Variants in PLEC observed in about 807,000 individuals in gnomAD.
PLEC encodes the protein hemidesmosomal protein 1.
PLEC carries 216 observed loss-of-function variants against 392.8 expected under a neutral mutation model. The ratio of observed to expected loss-of-function variants is 0.55; its 90% CI spans 0.49 to 0.62. The LOEUF (loss-of-function observed/expected upper bound fraction) is 0.62, where lower values mean the gene tolerates loss of function less well. PLEC is among the 20% of genes least tolerant of loss of function. The pLI, the probability that PLEC is intolerant of heterozygous loss-of-function variation, is 0.00. For synonymous variants in PLEC, 3,621 were observed against 2,980.6 expected (o/e 1.21, Z -7.00); for missense variants, 6,863 against 6,563.4 (o/e 1.05, Z -1.58).
At chr8:143,951,838 G>A (rs1832178083), upstream of PLEC, among the ~76,000 whole-genome samples, 1 of 152,056 alleles carries the variant, frequency 6.6e-6, no homozygotes. Context: ...AGGCCCTGCA[G>A]GCCTGGCCCA....
At chr8:143,930,970 C>T (rs1827076580) in intron 19 of PLEC, among the ~76,000 whole-genome samples, 1 of 152,292 alleles carries the variant, frequency 6.6e-6, no homozygotes, top group East Asian at 1.9e-4. Flanking sequence ...AGTCTCCAGT[C>T]CCTCTTCCCT....
At position 143,926,979 on chromosome 8, in the gene PLEC, C is replaced by T. The variant is rs782504857; in HGVS notation, c.3943G>A (p.Glu1315Lys). Residue 1315 changes from glutamate (E) to lysine (K), a missense_variant and splice_region_variant, in exon 29 of 32, where the codon GAG becomes AAG. Transcript: ENST00000345136. Reference protein sequence around the residue: ...VQSGSESVIQEYVDLRTHYSE... With the variant: ...VQSGSESVIQKYVDLRTHYSE... ...AGTTAGGTTCGGCCCCACCCTACCTCCTGGATGACACTCTCTGATCCCGAC... is the reference window on the plus strand; with the variant it reads ...AGTTAGGTTCGGCCCCACCCTACCTTCTGGATGACACTCTCTGATCCCGAC... The T allele has an allele frequency of 6.8e-6, 11 of 1,612,704 alleles. No individual in the cohort carries two copies. The East Asian group carries it at 2.2e-4, about 33-fold the overall frequency.
upstream of PLEC, chr8:143,943,977 G>T: frequency 6.5e-7 from 1 of 1,544,182 alleles, no homozygotes; most frequent in Non-Finnish European, 8.7e-7. Context: ...TGCGTGCAGG[G>T]CGAGCGAGGG....
Position 143,923,979 on chromosome 8 carries a change from G to C in PLEC, c.5950C>G (p.Arg1984Gly). The C allele has an allele frequency of 6.3e-7, 1 of 1,583,598 alleles. No individual in the cohort carries two copies. Among genetic ancestry groups the C allele is most frequent in the Non-Finnish European group, 8.5e-7 (1 of 1,171,166 alleles). Residue 1984 changes from arginine (R) to glycine (G), a missense_variant, in exon 31 of 32, where the codon CGT (arginine) becomes GGT (glycine). Transcript: ENST00000345136. ...QLAAEEERRRREAEERVQKSL... is the reference protein window; with the variant it reads ...QLAAEEERRRGEAEERVQKSL... ...TTCTGCACGCGCTCCTCAGCCTCAC[G>C]GCGCCGCCGCTCCTCCTCCGCCGCC...
Position 143,920,765 on chromosome 8 carries a change from G to C in PLEC, c.9056C>G (p.Ala3019Gly), listed in dbSNP as rs782474081. ...DVAEVDTVRR[A>G]LRGANVIAGV... is the part of the protein sequence containing the mutation. Reference sequence around the variant, plus strand: ...CGCGATGACGTTGGCACCCCGGAGAGCCCGCCGCACAGTGTCCACCTCGGC... The same window carrying C: ...CGCGATGACGTTGGCACCCCGGAGACCCCGCCGCACAGTGTCCACCTCGGC... The change falls in exon 32 of 32, where the codon GCT becomes GGT. Residue 3019 changes from alanine (A) to glycine (G), a missense_variant. Transcript: ENST00000345136. 1 of 1,606,104 alleles carries C rather than the reference G, an allele frequency of 6.2e-7. No individual in the cohort carries two copies. The highest frequency in any genetic ancestry group is 1.7e-5 in the Admixed American group (1 of 60,022).
In PLEC at chr8:143,925,779, C is replaced by T. The variant is rs782681160; in HGVS notation, c.4150G>A (p.Ala1384Thr). Residue 1384 changes from alanine to threonine, a missense_variant, in exon 31 of 32, where the codon GCA (alanine) becomes ACA (threonine). By Grantham distance (58) the Ala-to-Thr change is moderately conservative. Coordinates refer to ENST00000345136, the MANE Select transcript of PLEC (RefSeq NM_201384.3). ...QLAEAHAQAK[A>T]QAEREAKELQ... ...TCCTTCGCCTCCCGCTCCGCCTGTG[C>T]CTTTGCCTGGGCGTGCGCCTCGGCC... 4 of 1,588,296 alleles carry T rather than the reference C, an allele frequency of 2.5e-6. No individual in the cohort carries two copies. In the Admixed American group the frequency reaches 5.1e-5, roughly 20 times the overall value.
At chr8:143,960,326 TAAAAA>T (rs1832812893) in intron 1 of PLEC, among the ~76,000 whole-genome samples, 1 of 149,172 alleles carries the variant, frequency 6.7e-6, no homozygotes, top group Admixed American at 6.7e-5. Context: ...TAAAATAAAA[TAAAAA>T]CTTAGGCCAA....
At chr8:143,944,595 G>A, upstream of PLEC, 1 of 1,143,536 alleles carries the variant, frequency 8.7e-7, no homozygotes, top group East Asian at 3.0e-5. Flanking sequence ...TCTGGCCCCT[G>A]TCCCCAGCAA....
chr8:143,934,283 G>T (rs781971699), intron 11 of PLEC, 35 bp downstream of exon 11: 2 of 1,609,646 alleles, frequency 1.2e-6, no homozygotes, highest in South Asian at 1.1e-5. Flanking sequence ...ACACACCCTC[G>T]GGTGGTTCCC....
chr8:143,938,096 G>T, intron 3 of PLEC, 55 bp downstream of exon 3: 1 of 1,302,936 alleles, frequency 7.7e-7, no homozygotes, highest in Non-Finnish European at 1.1e-6. Flanking sequence ...GGGAAGGCAG[G>T]CAGAGGTCTC....
rs369363676 is a variant in PLEC, at chr8:143,934,822, G to T, written c.933C>A (p.Phe311Leu). The change falls in exon 9 of 32, where the codon TTC (phenylalanine) becomes TTA (leucine). Residue 311 changes from phenylalanine to leucine, a missense_variant. By Grantham distance (22) the Phe-to-Leu change is conservative (BLOSUM62 0). Transcript: ENST00000345136. ...AFEERRFPSS[F>L]EEIEILWSQF... ...ACGGCAGGCCCACCTCAATCTCCTC[G>T]AAGCTGGAGGGGAACCTGCGTTCCT... is the stretch of plus-strand genomic sequence containing the variant. 1 of 1,611,616 alleles carries T rather than the reference G, an allele frequency of 6.2e-7. No individual in the cohort carries two copies.
intron 1 of PLEC, among the ~76,000 whole-genome samples, chr8:143,946,853 C>T (rs1831551677): frequency 1.3e-5 from 2 of 151,594 alleles, no homozygotes; most frequent in Admixed American, 1.3e-4. Context: ...CACCCCACTC[C>T]TTGAGACTCA....
At chr8:143,948,900 G>C (rs535806180) in intron 1 of PLEC, among the ~76,000 whole-genome samples, 3 of 152,230 alleles carry the variant, frequency 2.0e-5, no homozygotes, top group Non-Finnish European at 4.4e-5. Flanking sequence ...AAGGCCACAT[G>C]GGCCGGGGCC....
In PLEC at chr8:143,936,096, G is replaced by A. The variant is rs1056778857; in HGVS notation, c.436-82C>T. The A allele has an allele frequency of 6.5e-5, 99 of 1,517,096 alleles. 1 individual carries two copies. In the Admixed American group the frequency reaches 1.6e-3, roughly 25 times the overall value. 94.0% of individuals were successfully genotyped at this position (1,517,096 alleles called of 1,614,324 possible). A position where few individuals can be genotyped will look rare whatever the true frequency, so the allele number is the denominator to read the frequency against. ...GCCCACAGCCACATGCACAGGGGCAGGGGTAGCTCAGCACCCAGGGGGAGT... is the reference window on the plus strand; with the variant it reads ...GCCCACAGCCACATGCACAGGGGCAAGGGTAGCTCAGCACCCAGGGGGAGT... On this transcript the variant is annotated intron_variant, in intron 5 of 31. Coordinates refer to ENST00000345136, the MANE Select transcript of PLEC (RefSeq NM_201384.3).
At chr8:143,974,041 C>A (rs1341277770), upstream of PLEC, among the ~76,000 whole-genome samples, 1 of 152,236 alleles carries the variant, frequency 6.6e-6, no homozygotes, top group Non-Finnish European at 1.5e-5. The surrounding 1 kb of genome is among the most constrained non-coding windows in gnomAD (Gnocchi z 5.9). Flanking sequence ...TTCCACCCAT[C>A]AGATTGGCAA....
In PLEC at chr8:143,933,270, T is replaced by C; in HGVS notation, c.1345A>G (p.Ile449Val). 1 of 1,613,152 alleles carries C rather than the reference T, an allele frequency of 6.2e-7. No homozygotes were observed. The highest frequency in any genetic ancestry group is 8.5e-7 in the Non-Finnish European group (1 of 1,179,954). Residue 449 changes from isoleucine (I) to valine (V), a missense_variant, in exon 13 of 32, where the codon ATC becomes GTC. Transcript: ENST00000345136. ...TGCACGTCGTTGAAGAGCAGCCGGA[T>C]CATGCTATCCGCCTTGTCCAAGTCC... ...ERDLDKADSMIRLLFNDVQTL... is the reference protein window; with the variant it reads ...ERDLDKADSMVRLLFNDVQTL...
upstream of PLEC, among the ~76,000 whole-genome samples, chr8:143,955,510 T>C (rs1554738954): frequency 6.6e-6 from 1 of 152,208 alleles, no homozygotes; most frequent in Non-Finnish European, 1.5e-5. Flanking sequence ...TGCAAGTGAA[T>C]CATACTTCCT....
At chr8:143,943,740 C>T (rs1554730427), upstream of PLEC, 3 of 1,587,106 alleles carry the variant, frequency 1.9e-6, no homozygotes, top group South Asian at 2.2e-5. Flanking sequence ...GGCCCCTCTG[C>T]CCCGCCTCGA....
In PLEC at chr8:143,921,547, C is replaced by G. The variant is rs782739366; in HGVS notation, c.8274G>C (p.Val2758=). The G allele has an allele frequency of 9.9e-6, 16 of 1,612,680 alleles. No individual in the cohort carries two copies. The South Asian group carries it at 1.4e-4, about 14-fold the overall frequency. ...GCTTGTGGTGCAGCTCGGGGCCCACCACACCCTCCTTCACAGCCTCGTTGA... is the reference window on the plus strand; with the variant it reads ...GCTTGTGGTGCAGCTCGGGGCCCACGACACCCTCCTTCACAGCCTCGTTGA... ...LTVNEAVKEG[V]VGPELHHKLL... is the part of the protein sequence containing the mutation. The change falls in exon 32 of 32, where the codon GTG becomes GTC. Residue 2758 remains valine (V), a synonymous_variant. Coordinates refer to ENST00000345136, the MANE Select transcript of PLEC (RefSeq NM_201384.3).
Sources: allele counts gnomAD v4.1 joint callset (sites outside exome capture counted in the v4.1 genomes callset), GRCh38; gene constraint gnomAD v4.1.1; non-coding constraint Gnocchi (gnomAD v3.1); transcripts MANE v1.5; gene names NCBI Gene and HGNC (gene_info 2026-07-23, HGNC 2026-07-21).